Variants in RALA observed in about 807,000 individuals in gnomAD.
The protein encoded by RALA is ras-related protein Ral-A.
Under a neutral mutation model 24.0 loss-of-function variants are expected in RALA, and 5 were observed. The observed-to-expected ratio is 0.21, with a 90% CI of 0.11 to 0.44. RALA has a LOEUF of 0.44. RALA is among the 20% of genes least tolerant of loss of function. RALA has a pLI of 0.99. For missense variants in RALA, 95 were observed against 241.2 expected (o/e 0.39, Z 4.01); for synonymous variants, 77 against 83.8 (o/e 0.92, Z 0.44).
intron 1 of RALA, among the ~76,000 whole-genome samples, chr7:39,629,314 A>G (rs1200496767): frequency 2.0e-5 from 3 of 152,198 alleles, no homozygotes; most frequent in African/African-American, 7.2e-5. Context: ...TGTATTTTCC[A>G]TTTGTACTTC....
chr7:39,704,436 G>C (rs1339203724), intron 4 of RALA, among the ~76,000 whole-genome samples: 1 of 150,972 alleles, frequency 6.6e-6, no homozygotes, highest in Non-Finnish European at 1.5e-5. Context: ...ATCTGCCTCA[G>C]CCTCTCGAGT....
At position 39,708,019 on chromosome 7, in the gene RALA, A is replaced by G. The variant is rs1047263192; in HGVS notation, c.*1774A>G. ...CTGGGTACTGAGGTGCTATGAAGCC[A>G]ACTGACAAAGATGCATCACGTGTCT... On this transcript the variant is annotated 3_prime_UTR_variant, in exon 5 of 5. Transcript: ENST00000005257. The G allele has an allele frequency of 6.5e-6, 1 of 152,686 alleles. No individual in the cohort carries two copies. Among genetic ancestry groups the G allele is most frequent in the African/African-American group, 2.4e-5 (1 of 41,462 alleles). 9.5% of individuals were successfully genotyped at this position (152,686 alleles called of 1,614,324 possible). A position where few individuals can be genotyped will look rare whatever the true frequency, so the allele number is the denominator to read the frequency against.
intron 1 of RALA, among the ~76,000 whole-genome samples, chr7:39,637,575 A>G (rs996267617): frequency 5.9e-5 from 9 of 152,194 alleles, no homozygotes; most frequent in African/African-American, 1.9e-4. Context: ...TCCCTCTGTT[A>G]GTTTCAGTAT....
intron 1 of RALA, among the ~76,000 whole-genome samples, chr7:39,682,409 A>G (rs1452432036): frequency 3.0e-4 from 46 of 152,134 alleles, no homozygotes; most frequent in Non-Finnish European, 1.5e-5. Context: ...TCCACTGTCC[A>G]TTCTCTACAC....
intron 1 of RALA, among the ~76,000 whole-genome samples, chr7:39,631,152 C>T (rs1299325776): frequency 6.6e-6 from 1 of 151,472 alleles, no homozygotes; most frequent in Admixed American, 6.6e-5. Flanking sequence ...GAACCACAGG[C>T]GTGTGCCACC....
chr7:39,645,842 T>TG (rs1158894795), intron 1 of RALA, among the ~76,000 whole-genome samples: 1 of 152,100 alleles, frequency 6.6e-6, no homozygotes, highest in Non-Finnish European at 1.5e-5. Context: ...ATTCATGCCA[T>TG]GAATTTAGAG....
intron 1 of RALA, among the ~76,000 whole-genome samples, chr7:39,654,820 G>A (rs1208001610): frequency 2.0e-5 from 3 of 152,094 alleles, no homozygotes; most frequent in Non-Finnish European, 4.4e-5. Context: ...GTGTGATCAT[G>A]GCTCACTGCA....
chr7:39,666,776 A>C (rs1792292676), intron 1 of RALA, among the ~76,000 whole-genome samples: 1 of 152,220 alleles, frequency 6.6e-6, no homozygotes, highest in South Asian at 2.1e-4. Context: ...GGTCTGTAAA[A>C]GAGCTGTAGT....
Position 39,695,196 on chromosome 7 carries a change from G to A in RALA, c.324-1489G>A, listed in dbSNP as rs145862057. Reference sequence around the variant, plus strand: ...TCAGTATCAGGGCAGGGCAGGGATTGGTTCCAGGACTCCTTATGGATACCG... The same window carrying A: ...TCAGTATCAGGGCAGGGCAGGGATTAGTTCCAGGACTCCTTATGGATACCG... On this transcript the variant is annotated intron_variant, in intron 3 of 4. Coordinates refer to ENST00000005257, the MANE Select transcript of RALA (RefSeq NM_005402.4). Among the ~76,000 whole-genome samples, 186 of 152,204 alleles carry A rather than the reference G, an allele frequency of 1.2e-3. 2 individuals are homozygous for A. The highest frequency in any genetic ancestry group is 5.3e-4 in the Non-Finnish European group (36 of 68,014).
chr7:39,665,189 A>G (rs1294646062), intron 1 of RALA, among the ~76,000 whole-genome samples: 1 of 152,100 alleles, frequency 6.6e-6, no homozygotes, highest in African/African-American at 2.4e-5. Context: ...CCCCTGAGAC[A>G]GCAGGACCAA....
At chr7:39,689,334 C>T (rs758091458) in intron 2 of RALA, among the ~76,000 whole-genome samples, 4 of 152,174 alleles carry the variant, frequency 2.6e-5, no homozygotes, top group South Asian at 4.1e-4. Context: ...ACATTAATAG[C>T]ATGTAAATGT....
intron 1 of RALA, among the ~76,000 whole-genome samples, chr7:39,674,354 CAT>C (rs753365116): frequency 3.3e-5 from 5 of 152,150 alleles, no homozygotes; most frequent in Non-Finnish European, 7.3e-5. Context: ...TAGAGATACT[CAT>C]ATGATTTTTT....
At chr7:39,671,556 T>G (rs1308678568) in intron 1 of RALA, among the ~76,000 whole-genome samples, 1 of 152,202 alleles carries the variant, frequency 6.6e-6, no homozygotes, top group Non-Finnish European at 1.5e-5. Context: ...ATATGCTGTT[T>G]TATTAATGTT....
intron 4 of RALA, among the ~76,000 whole-genome samples, chr7:39,705,794 A>G (rs1407032631): frequency 6.6e-6 from 1 of 151,350 alleles, no homozygotes; most frequent in Non-Finnish European, 1.5e-5. Flanking sequence ...CTACTTAAAT[A>G]TAATCCATTG....
At chr7:39,631,187 T>C (rs1176441866) in intron 1 of RALA, among the ~76,000 whole-genome samples, 1 of 151,974 alleles carries the variant, frequency 6.6e-6, no homozygotes, top group Admixed American at 6.6e-5. Context: ...TTTTTATTTT[T>C]AGTAGAGACA....
chr7:39,636,081 G>T (rs1293506177), intron 1 of RALA, among the ~76,000 whole-genome samples: 2 of 152,316 alleles, frequency 1.3e-5, no homozygotes, highest in South Asian at 2.1e-4. Context: ...CATTGTGTGG[G>T]TATGCCATAA....
chr7:39,681,302 C>CTTTTTTTTTTTTTTTTTTTTTTTTTTTT (rs70996832), intron 1 of RALA, among the ~76,000 whole-genome samples: 1 of 50,008 alleles, frequency 2.0e-5, no homozygotes, highest in Non-Finnish European at 3.6e-5. Context: ...CACCCTATTC[C>CTTTTTTTTTTTTTTTTTTTTTTTTTTTT]TTTTTTTTTT....
intron 1 of RALA, among the ~76,000 whole-genome samples, chr7:39,685,372 G>A (rs774168559): frequency 5.9e-5 from 9 of 152,186 alleles, no homozygotes; most frequent in Non-Finnish European, 1.2e-4. Context: ...AAGATAGAGA[G>A]GTAAACAGGA....
intron 1 of RALA, among the ~76,000 whole-genome samples, chr7:39,672,945 T>G (rs1301768262): frequency 6.6e-6 from 1 of 152,156 alleles, no homozygotes; most frequent in Admixed American, 6.5e-5. Context: ...CTTAAAAGGG[T>G]GAATTTTATT....
Sources: allele counts gnomAD v4.1 joint callset (sites outside exome capture counted in the v4.1 genomes callset), GRCh38; gene constraint gnomAD v4.1.1; transcripts MANE v1.5; gene names NCBI Gene and HGNC (gene_info 2026-07-23, HGNC 2026-07-21).